The following ZRANB3 variants were observed in gnomAD, a reference collection of about 807,000 sequenced individuals.
The protein encoded by ZRANB3 is DNA annealing helicase and endonuclease ZRANB3.
ZRANB3 carries 125 observed loss-of-function variants against 133.8 expected under a neutral mutation model. That is an observed-to-expected ratio of 0.93 (90% CI 0.81 to 1.08). ZRANB3 has a LOEUF of 1.08. Ranked by LOEUF, ZRANB3 falls within the 50% of genes least tolerant of loss-of-function variation. The pLI is 0.00. For synonymous variants in ZRANB3, 387 were observed against 432.7 expected, an observed-to-expected ratio of 0.89 and a Z score of 1.31; for missense variants, 1,229 against 1,275.5, an observed-to-expected ratio of 0.96 and a Z score of 0.56.
At chr2:135,525,161 A>T (rs906351484) in intron 1 of ZRANB3, among the ~76,000 whole-genome samples, 11 of 152,188 alleles carry the variant, frequency 7.2e-5, no homozygotes, top group South Asian at 4.1e-4. Flanking sequence ...AGTAATTTTT[A>T]AAAAATATTA....
intron 2 of ZRANB3, among the ~76,000 whole-genome samples, chr2:135,426,706 C>A (rs1257892672): frequency 6.7e-6 from 1 of 149,404 alleles, no homozygotes; most frequent in African/African-American, 2.5e-5. Context: ...GTGGTGAGCG[C>A]CAGTAGTCCC....
intron 3 of ZRANB3, among the ~76,000 whole-genome samples, chr2:135,358,035 G>T (rs1685513946): frequency 6.6e-6 from 1 of 152,116 alleles, no homozygotes; most frequent in African/African-American, 2.4e-5. Flanking sequence ...TATAGAAGAT[G>T]GCCCTTCTGG....
intron 8 of ZRANB3, among the ~76,000 whole-genome samples, chr2:135,286,758 GATTATT>G (rs1244546348): frequency 1.3e-5 from 2 of 151,938 alleles, no homozygotes; most frequent in African/African-American, 2.4e-5. Context: ...TTTTTGATGG[GATTATT>G]ATTATTATTT....
chr2:135,396,590 TTA>T (rs1240578218), intron 2 of ZRANB3, among the ~76,000 whole-genome samples: 4 of 152,268 alleles, frequency 2.6e-5, no homozygotes, highest in Middle Eastern at 3.4e-3. Flanking sequence ...ACGTTCTCAC[TTA>T]TGTGTGGGAA....
chr2:135,233,149 C>A (rs1008791514), intron 12 of ZRANB3, among the ~76,000 whole-genome samples: 1 of 152,134 alleles, frequency 6.6e-6, no homozygotes, highest in Non-Finnish European at 1.5e-5. Context: ...GATGAATGCA[C>A]AAGCCTCAGT....
chr2:135,215,771 G>A (rs1000311579), intron 17 of ZRANB3, among the ~76,000 whole-genome samples: 1 of 152,094 alleles, frequency 6.6e-6, no homozygotes, highest in Non-Finnish European at 1.5e-5. Context: ...TTATGCCCTA[G>A]AGCAAGATTT....
At chr2:135,345,986 T>C (rs1684903974) in intron 5 of ZRANB3, among the ~76,000 whole-genome samples, 1 of 152,242 alleles carries the variant, frequency 6.6e-6, no homozygotes, top group Non-Finnish European at 1.5e-5. Flanking sequence ...AATAAAATAA[T>C]AATGCACTGC....
chr2:135,332,304 G>C (rs1468065690), intron 6 of ZRANB3, among the ~76,000 whole-genome samples: 1 of 152,086 alleles, frequency 6.6e-6, no homozygotes, highest in Non-Finnish European at 1.5e-5. Context: ...AGGCCACAAA[G>C]ACAGAAGTCT....
intron 2 of ZRANB3, among the ~76,000 whole-genome samples, chr2:135,411,562 T>A (rs185911585): frequency 1.3e-5 from 2 of 152,286 alleles, no homozygotes; most frequent in East Asian, 1.9e-4. Context: ...TTAGTATATA[T>A]ACACCATGGA....
At chr2:135,384,639 T>C (rs1311278374) in intron 3 of ZRANB3, among the ~76,000 whole-genome samples, 1 of 152,152 alleles carries the variant, frequency 6.6e-6, no homozygotes, top group African/African-American at 2.4e-5. Flanking sequence ...AAAAAGCTTA[T>C]CCACCATGAT....
chr2:135,477,492 T>G (rs551410818), intron 2 of ZRANB3, among the ~76,000 whole-genome samples: 1 of 152,150 alleles, frequency 6.6e-6, no homozygotes, highest in Non-Finnish European at 1.5e-5. Flanking sequence ...CTTCCTTACC[T>G]CCAAGGCCCA....
At chr2:135,374,633 C>A (rs1378292219) in intron 3 of ZRANB3, among the ~76,000 whole-genome samples, 3 of 151,262 alleles carry the variant, frequency 2.0e-5, no homozygotes, top group Non-Finnish European at 4.4e-5. Context: ...TCCTGAGTAA[C>A]TGGGATTAGA....
At chr2:135,305,879 T>C (rs1349513819) in intron 8 of ZRANB3, among the ~76,000 whole-genome samples, 1 of 152,162 alleles carries the variant, frequency 6.6e-6, no homozygotes, top group East Asian at 1.9e-4. Context: ...AGCTTTTTTT[T>C]TCTTCCTTTC....
At chr2:135,525,428 A>T (rs563681186) in intron 1 of ZRANB3, among the ~76,000 whole-genome samples, 11 of 152,356 alleles carry the variant, frequency 7.2e-5, no homozygotes, top group Middle Eastern at 3.4e-3. Context: ...TAAAAAACCT[A>T]CTTCTAAAAG....
At chr2:135,417,064 A>T (rs1403477654) in intron 2 of ZRANB3, among the ~76,000 whole-genome samples, 220 of 152,276 alleles carry the variant, frequency 1.4e-3, no homozygotes, top group African/African-American at 5.0e-3. Context: ...GGACTTCATG[A>T]CTAAAACACC....
chr2:135,271,290 T>C (rs1680504471), intron 10 of ZRANB3: 1 of 471,014 alleles, frequency 2.1e-6, no homozygotes, highest in South Asian at 1.5e-5. Context: ...TCTGAATTTC[T>C]GTTTACTTGC....
chr2:135,207,527 T>C lies in ZRANB3; in HGVS notation c.2916A>G (p.Ala972=). Residue 972 remains alanine (A), a synonymous_variant, in exon 19 of 21, where the codon GCA becomes GCG. Coordinates refer to ENST00000264159, the MANE Select transcript of ZRANB3 (RefSeq NM_032143.4). ...CTCTCAGACGTAAAAAGAGTTCTTG[T>C]GCGTTCACATTACAGAGCTGACACA... ...HGVCQLCNVN[A]QELFLRLRDA... 1 of 1,614,062 alleles carries C rather than the reference T, an allele frequency of 6.2e-7. No homozygotes were observed. Among genetic ancestry groups the C allele is most frequent in the African/African-American group, 1.3e-5 (1 of 75,076 alleles).
chr2:135,215,247 T>C (rs1407468462), intron 17 of ZRANB3, among the ~76,000 whole-genome samples: 1 of 151,150 alleles, frequency 6.6e-6, no homozygotes, highest in Non-Finnish European at 1.5e-5. Context: ...AATTTAATTT[T>C]TGTTTTGTTT....
chr2:135,297,611 T>C (rs1682207245), intron 8 of ZRANB3, among the ~76,000 whole-genome samples: 1 of 152,158 alleles, frequency 6.6e-6, no homozygotes, highest in South Asian at 2.1e-4. Flanking sequence ...CACTACCCAG[T>C]GAGATGAACC....
Sources: gnomAD v4.1 joint callset for allele counts (sites outside exome capture counted in the v4.1 genomes callset) on GRCh38, gnomAD v4.1.1 for gene constraint, MANE v1.5 for transcripts, NCBI Gene and HGNC (gene_info 2026-07-23, HGNC 2026-07-21) for gene names.